The following THEMIS variants were observed in gnomAD, a reference collection of about 807,000 sequenced individuals.
THEMIS encodes the protein thymocyte selection associated.
A neutral mutation model predicts 52.6 loss-of-function variants in THEMIS; 37 were observed. The observed-to-expected ratio is 0.70, with a 90% CI of 0.54 to 0.93. The LOEUF (loss-of-function observed/expected upper bound fraction) is 0.93. Ranked by LOEUF, THEMIS falls within the 40% of genes least tolerant of loss-of-function variation. The probability of loss-of-function intolerance (pLI) is 0.00; values close to 1 mark genes in which losing one functional copy is unlikely to be tolerated. For synonymous variants in THEMIS, 292 were observed against 272.7 expected, an observed-to-expected ratio of 1.07 and a Z score of -0.70; for missense variants, 808 against 763.1, an observed-to-expected ratio of 1.06 and a Z score of -0.69.
intron 1 of THEMIS, among the ~76,000 whole-genome samples, chr6:127,865,293 A>T (rs1257342137): frequency 6.6e-6 from 1 of 152,162 alleles, no homozygotes; most frequent in African/African-American, 2.4e-5. Flanking sequence ...AAAGGTCCAA[A>T]GTATACAAAA....
chr6:127,719,278 T>A (rs1411186165), intron 5 of THEMIS, among the ~76,000 whole-genome samples: 2 of 151,922 alleles, frequency 1.3e-5, no homozygotes, highest in Non-Finnish European at 2.9e-5. Flanking sequence ...AACTAAACCA[T>A]CATAATTCAA....
chr6:127,748,451 T>G (rs1047940773), intron 4 of THEMIS, among the ~76,000 whole-genome samples: 1 of 152,034 alleles, frequency 6.6e-6, no homozygotes, highest in African/African-American at 2.4e-5. Flanking sequence ...TCCAGTCCCA[T>G]GAGATCAAGA....
downstream of THEMIS, among the ~76,000 whole-genome samples, chr6:127,704,919 C>T (rs1012140670): frequency 2.0e-5 from 3 of 152,144 alleles, no homozygotes; most frequent in African/African-American, 7.2e-5. Flanking sequence ...TTAGCAGAGG[C>T]CCAAATGGAT....
intron 1 of THEMIS, among the ~76,000 whole-genome samples, chr6:127,884,185 CT>C (rs1411436208): frequency 6.6e-6 from 1 of 152,116 alleles, no homozygotes; most frequent in Admixed American, 6.6e-5. Context: ...GTTTGTTTTG[CT>C]TTACAGGCTG....
At chr6:127,819,401 C>T (rs1032048533) in intron 3 of THEMIS, among the ~76,000 whole-genome samples, 1 of 151,960 alleles carries the variant, frequency 6.6e-6, no homozygotes. Flanking sequence ...GAAACATTTG[C>T]ATTAACAAGA....
At chr6:127,702,920 C>A in the THEMIS span, among the ~76,000 whole-genome samples, 6 of 151,510 alleles carry the variant, frequency 4.0e-5, no homozygotes, top group Non-Finnish European at 7.4e-5. Context: ...TCAACACACA[C>A]AACACGTGGG....
At chr6:127,798,130 T>C (rs1777392684) in intron 4 of THEMIS, among the ~76,000 whole-genome samples, 1 of 152,220 alleles carries the variant, frequency 6.6e-6, no homozygotes, top group Non-Finnish European at 1.5e-5. Context: ...ATAACGGAAA[T>C]ATAATATTGA....
chr6:127,730,243 G>C (rs1774719419), intron 4 of THEMIS, among the ~76,000 whole-genome samples: 1 of 143,650 alleles, frequency 7.0e-6, no homozygotes. Context: ...GTCCAGGCCT[G>C]GGCAACAGAG....
intron 2 of THEMIS, among the ~76,000 whole-genome samples, chr6:127,854,090 C>T (rs1426025445): frequency 2.0e-5 from 3 of 151,712 alleles, no homozygotes; most frequent in African/African-American, 7.3e-5. Context: ...CACTCTGTGC[C>T]AGAAATTGTG....
chr6:127,853,601 A>C (rs1421600124), intron 2 of THEMIS, among the ~76,000 whole-genome samples: 1 of 151,660 alleles, frequency 6.6e-6, no homozygotes, highest in Non-Finnish European at 1.5e-5. Context: ...CAATATAGCT[A>C]ATATATTTTC....
intron 1 of THEMIS, among the ~76,000 whole-genome samples, chr6:127,858,254 C>G (rs1455501533): frequency 2.0e-5 from 3 of 152,020 alleles, no homozygotes; most frequent in African/African-American, 7.2e-5. Context: ...GGTCTTTTTC[C>G]AAGCAAGTCT....
At chr6:127,778,101 T>C (rs556674805) in intron 4 of THEMIS, among the ~76,000 whole-genome samples, 2 of 152,160 alleles carry the variant, frequency 1.3e-5, no homozygotes, top group Non-Finnish European at 2.9e-5. Flanking sequence ...GAAATCTCAA[T>C]GCAGTCTCAG....
At chr6:127,842,384 C>T (rs1779078781) in intron 2 of THEMIS, among the ~76,000 whole-genome samples, 1 of 151,864 alleles carries the variant, frequency 6.6e-6, no homozygotes, top group Admixed American at 6.6e-5. Flanking sequence ...TATTTGGTAC[C>T]CAGGCATAAA....
At chr6:127,901,172 T>C (rs554865463), upstream of THEMIS, 5 of 553,646 alleles carry the variant, frequency 9.0e-6, no homozygotes, top group East Asian at 1.2e-4. Context: ...TTCATTTCCT[T>C]CTGACATTGA....
upstream of THEMIS, among the ~76,000 whole-genome samples, chr6:127,902,153 T>C (rs748942865): frequency 4.6e-5 from 7 of 151,230 alleles, no homozygotes; most frequent in Non-Finnish European, 1.0e-4. Flanking sequence ...AGTGAGACTT[T>C]GTCTCTACAA....
At chr6:127,831,881 T>C (rs1455271816) in intron 2 of THEMIS, among the ~76,000 whole-genome samples, 3 of 152,136 alleles carry the variant, frequency 2.0e-5, no homozygotes, top group Non-Finnish European at 1.5e-5. Context: ...TTCAATAAAA[T>C]AGTGTTCTTG....
intron 4 of THEMIS, among the ~76,000 whole-genome samples, chr6:127,790,910 C>A (rs960871823): frequency 2.0e-5 from 3 of 152,198 alleles, no homozygotes; most frequent in African/African-American, 7.2e-5. Context: ...TGGCTGGCAC[C>A]AGGGAATGTG....
At chr6:127,832,039 T>C in intron 2 of THEMIS, among the ~76,000 whole-genome samples, 1 of 152,184 alleles carries the variant, frequency 6.6e-6, no homozygotes, top group East Asian at 1.9e-4. Flanking sequence ...AATAAGTTTT[T>C]AAAAAATGCG....
intron 3 of THEMIS, among the ~76,000 whole-genome samples, chr6:127,828,196 T>A (rs1193745385): frequency 6.6e-6 from 1 of 152,204 alleles, no homozygotes; most frequent in Non-Finnish European, 1.5e-5. Context: ...TTACCCTCAT[T>A]TGTAACTATG....
Sources: allele counts gnomAD v4.1 joint callset (sites outside exome capture counted in the v4.1 genomes callset), GRCh38; gene constraint gnomAD v4.1.1; transcripts MANE v1.5; gene names NCBI Gene and HGNC (gene_info 2026-07-23, HGNC 2026-07-21).